NLGN1: variants seen among roughly 807,000 people sequenced by gnomAD.
The protein encoded by NLGN1 is neuroligin-1.
NLGN1 carries 12 observed loss-of-function variants against 65.5 expected under a neutral mutation model. The observed-to-expected ratio is 0.18, with a 90% confidence interval of 0.12 to 0.30. NLGN1 has a LOEUF of 0.30. NLGN1 is among the 10% of genes least tolerant of loss of function. NLGN1 has a pLI of 1.00. For synonymous variants in NLGN1, 350 were observed against 359.5 expected (o/e 0.97, Z 0.30); for missense variants, 750 against 1,007.1 (o/e 0.74, Z 3.46).
At chr3:173,665,377 G>T (rs1016645158) in intron 3 of NLGN1, among the ~76,000 whole-genome samples, 1 of 152,062 alleles carries the variant, frequency 6.6e-6, no homozygotes, top group Non-Finnish European at 1.5e-5. Context: ...AGGCCTCCCA[G>T]CCATGCTGAA....
At position 173,546,635 on chromosome 3, in the gene NLGN1, C is replaced by T. The variant is rs114905521; in HGVS notation, c.-320-57644C>T. On this transcript the variant is annotated intron_variant, in intron 2 of 6. Coordinates refer to ENST00000457714, the Ensembl canonical transcript of NLGN1. ...TTTCCAGGCTATAGTTCTAATATTC[C>T]GCTATATTTCCTCTGTCTGTTATGT... 5.5e-3 allele frequency among the ~76,000 whole-genome samples: 840 copies of T among 152,176 alleles called. 10 individuals carry two copies. The highest frequency in any genetic ancestry group is 0.019 in the African/African-American group (787 of 41,526).
intron 4 of NLGN1, among the ~76,000 whole-genome samples, chr3:174,022,429 GTGGAAGA>G (rs1433642620): frequency 6.6e-6 from 1 of 152,126 alleles, no homozygotes; most frequent in Non-Finnish European, 1.5e-5. Flanking sequence ...GGAATAGCTT[GTGGAAGA>G]TGAAAGAGAG....
chr3:174,171,196 CA>C (rs1441987235), intron 4 of NLGN1, among the ~76,000 whole-genome samples: 4 of 152,092 alleles, frequency 2.6e-5, no homozygotes, highest in Non-Finnish European at 4.4e-5. Context: ...AAATGAAATA[CA>C]TATCTTTTAC....
chr3:173,403,061 T>C lies in NLGN1; in HGVS notation c.-390+4574T>C, dbSNP rs1349547294. ...AAAATATGGAATGCCTATGTGAAAA[T>C]TAAATTCATGAAAAAATAATTACAT... On this transcript the variant is annotated intron_variant, in intron 1 of 6. Transcript: ENST00000457714. 2.0e-5 allele frequency among the ~76,000 whole-genome samples: 3 copies of C among 152,088 alleles called. No individual in the cohort carries two copies. In the East Asian group the frequency reaches 5.8e-4, roughly 29 times the overall value.
intron 4 of NLGN1, 35 bp downstream of exon 4, chr3:173,807,867 T>G: frequency 1.3e-6 from 2 of 1,591,746 alleles, no homozygotes; most frequent in Non-Finnish European, 1.7e-6. Context: ...TCACCATGAA[T>G]CCATGAAGTA....
chr3:173,893,479 T>G (rs1331453887), intron 4 of NLGN1, among the ~76,000 whole-genome samples: 3 of 152,302 alleles, frequency 2.0e-5, no homozygotes, highest in African/African-American at 7.2e-5. Context: ...GTAAAGAGTT[T>G]AATAAAATAG....
intron 2 of NLGN1, among the ~76,000 whole-genome samples, chr3:173,587,417 A>T (rs946570555): frequency 1.3e-5 from 2 of 152,208 alleles, no homozygotes; most frequent in African/African-American, 4.8e-5. Context: ...AGTATATACA[A>T]AACTACACAC....
At chr3:173,570,724 G>T (rs1378081320) in intron 2 of NLGN1, among the ~76,000 whole-genome samples, 1 of 152,146 alleles carries the variant, frequency 6.6e-6, no homozygotes, top group Non-Finnish European at 1.5e-5. Flanking sequence ...ATTTATTTAA[G>T]AGAGAGTCTC....
exon 7 of NLGN1, chr3:174,282,588 CAT>C (rs1751669854): frequency 6.6e-6 from 1 of 152,190 alleles, no homozygotes; most frequent in Non-Finnish European, 1.5e-5. Context: ...CTTTCTTACA[CAT>C]ATGTGTGATT....
chr3:173,730,556 A>T (rs999279090), intron 3 of NLGN1, among the ~76,000 whole-genome samples: 1 of 152,064 alleles, frequency 6.6e-6, no homozygotes, highest in African/African-American at 2.4e-5. Flanking sequence ...ATTTCAGACT[A>T]ACCACATTTC....
intron 3 of NLGN1, among the ~76,000 whole-genome samples, chr3:173,726,099 T>C (rs998613805): frequency 2.6e-5 from 4 of 151,998 alleles, no homozygotes; most frequent in African/African-American, 9.7e-5. Flanking sequence ...AGTCGCCTTT[T>C]CCTTACTCTG....
chr3:173,717,174 A>G (rs540324295), intron 3 of NLGN1, among the ~76,000 whole-genome samples: 1 of 152,310 alleles, frequency 6.6e-6, no homozygotes, highest in African/African-American at 2.4e-5. Context: ...CAATCCTTAG[A>G]GTCAGTGGAC....
At chr3:174,242,658 C>G (rs1336706701) in intron 4 of NLGN1, among the ~76,000 whole-genome samples, 2 of 152,014 alleles carry the variant, frequency 1.3e-5, no homozygotes, top group African/African-American at 4.8e-5. Context: ...CCAGATAGAA[C>G]CATCTAGTTG....
At chr3:174,253,493 G>A (rs866556781) in intron 4 of NLGN1, among the ~76,000 whole-genome samples, 10 of 152,100 alleles carry the variant, frequency 6.6e-5, no homozygotes, top group African/African-American at 1.2e-4. Flanking sequence ...ACAGAGATTA[G>A]TTTCACTTTT....
At chr3:174,148,225 G>A (rs997534579) in intron 4 of NLGN1, among the ~76,000 whole-genome samples, 7 of 152,140 alleles carry the variant, frequency 4.6e-5, no homozygotes, top group Non-Finnish European at 1.0e-4. Context: ...TTAGAAAAAT[G>A]TGTTACTTGT....
In NLGN1 at chr3:173,479,812, G is replaced by A. The variant is rs138718310; in HGVS notation, c.-321+44734G>A. Among the ~76,000 whole-genome samples the A allele has an allele frequency of 8.0e-3, 1,222 of 152,212 alleles. 20 individuals are homozygous for A. Among genetic ancestry groups the A allele is most frequent in the African/African-American group, 0.029 (1,185 of 41,558 alleles). On this transcript the variant is annotated intron_variant, in intron 2 of 6. Transcript: ENST00000457714. ...ATATGAACAATAAAGAAAAAAATTG[G>A]TATAATTTGAGAGAGGGCCTAAGTG...
chr3:174,141,482 A>AAAT (rs1325437596), intron 4 of NLGN1, among the ~76,000 whole-genome samples: 5 of 152,220 alleles, frequency 3.3e-5, no homozygotes, highest in African/African-American at 1.2e-4. Context: ...TTTGATAAGA[A>AAAT]AATGGTTTCA....
chr3:174,066,432 A>G (rs1242867051), intron 4 of NLGN1, among the ~76,000 whole-genome samples: 1 of 151,838 alleles, frequency 6.6e-6, no homozygotes, highest in Non-Finnish European at 1.5e-5. Context: ...GTGTGGTTTT[A>G]CAAAAGTTGA....
intron 4 of NLGN1, among the ~76,000 whole-genome samples, chr3:174,162,115 G>A (rs1484194681): frequency 6.6e-6 from 1 of 151,800 alleles, no homozygotes; most frequent in Non-Finnish European, 1.5e-5. Context: ...TCTAAATTGA[G>A]GAACAACCTG....
Sources: gnomAD v4.1 joint callset for allele counts (sites outside exome capture counted in the v4.1 genomes callset) on GRCh38, gnomAD v4.1.1 for gene constraint, MANE v1.5 for transcripts, NCBI Gene and HGNC (gene_info 2026-07-23, HGNC 2026-07-21) for gene names.